The following PCSK6 variants were observed in gnomAD, a reference collection of about 807,000 sequenced individuals.
PCSK6 encodes proprotein convertase subtilisin/kexin type 6.
In PCSK6, 85 loss-of-function variants were observed where a neutral mutation model predicts 123.3. That is an observed-to-expected ratio of 0.69 (90% confidence interval 0.58 to 0.83). The LOEUF is 0.83. Ranked by LOEUF, PCSK6 falls within the 40% of genes least tolerant of loss-of-function variation. The probability of loss-of-function intolerance (pLI) is 0.00; values close to 1 mark genes in which losing one functional copy is unlikely to be tolerated. For synonymous variants in PCSK6, 508 were observed against 516.0 expected, an observed-to-expected ratio of 0.98 and a Z score of 0.21; for missense variants, 1,191 against 1,282.3, an observed-to-expected ratio of 0.93 and a Z score of 1.09.
rs755103299 is a variant in PCSK6, at chr15:101,395,726, C to T, written c.997-2302G>A. Among the ~76,000 whole-genome samples, 183 of 152,294 alleles carry T rather than the reference C, an allele frequency of 1.2e-3. 3 individuals carry two copies. The highest frequency in any genetic ancestry group is 4.1e-4 in the South Asian group (2 of 4,830). Reference sequence around the variant, plus strand: ...ACTCACAACTTCAACCCAATCAAATCGTATTTCGATGTCTTCCCTGGGGAG... The same window carrying T: ...ACTCACAACTTCAACCCAATCAAATTGTATTTCGATGTCTTCCCTGGGGAG... On this transcript the variant is annotated intron_variant, in intron 7 of 21. Coordinates refer to ENST00000611716, the MANE Select transcript of PCSK6 (RefSeq NM_002570.5).
At chr15:101,308,771 C>T (rs1204222361) in intron 20 of PCSK6, 1 of 152,294 alleles carries the variant, frequency 6.6e-6, no homozygotes, top group Non-Finnish European at 1.5e-5. Context: ...ATTCTGGTGG[C>T]CCAGCCACCA....
intron 1 of PCSK6, among the ~76,000 whole-genome samples, chr15:101,484,914 G>A (rs1455094946): frequency 6.6e-6 from 1 of 152,166 alleles, no homozygotes; most frequent in Admixed American, 6.5e-5. Context: ...AAAAACGCCT[G>A]CATGGACATT....
chr15:101,327,278 T>C (rs1167790104), intron 15 of PCSK6, among the ~76,000 whole-genome samples: 2 of 152,146 alleles, frequency 1.3e-5, no homozygotes, highest in East Asian at 1.9e-4. Context: ...GCGAGCTGAG[T>C]AGACGCCAGC....
At chr15:101,385,082 T>C (rs971135656) in intron 9 of PCSK6, among the ~76,000 whole-genome samples, 3 of 152,160 alleles carry the variant, frequency 2.0e-5, no homozygotes, top group African/African-American at 7.2e-5. Flanking sequence ...GGTGGTGTGA[T>C]CTTGGCTCAC....
At chr15:101,369,923 G>A (rs143270541) in intron 12 of PCSK6, among the ~76,000 whole-genome samples, 362 of 152,326 alleles carry the variant, frequency 2.4e-3, no homozygotes, top group African/African-American at 8.4e-3. Flanking sequence ...GGGAGAGCTG[G>A]TGGGGGGACA....
At chr15:101,429,193 G>A (rs894694306) in intron 5 of PCSK6, among the ~76,000 whole-genome samples, 4 of 152,152 alleles carry the variant, frequency 2.6e-5, no homozygotes, top group Non-Finnish European at 4.4e-5. Flanking sequence ...AATATTTTTA[G>A]AGGAATGATA....
intron 6 of PCSK6, among the ~76,000 whole-genome samples, chr15:101,415,331 C>T (rs1004741907): frequency 3.3e-5 from 5 of 152,192 alleles, no homozygotes; most frequent in African/African-American, 4.8e-5. Context: ...CACCCGGGGA[C>T]GGGTAGACTG....
At chr15:101,340,756 A>C (rs7162072) in intron 13 of PCSK6, among the ~76,000 whole-genome samples, 18,289 of 151,856 alleles carry the variant, frequency 0.12, 2,305 homozygotes, top group African/African-American at 0.31. Flanking sequence ...TACTCACATG[A>C]TCCCTCTCCC....
intron 13 of PCSK6, among the ~76,000 whole-genome samples, chr15:101,354,318 ATACT>A (rs1252178617): frequency 6.6e-6 from 1 of 152,208 alleles, no homozygotes; most frequent in African/African-American, 2.4e-5. Context: ...ACACACATAC[ATACT>A]TATACACAAT....
chr15:101,394,993 G>GGT lies in PCSK6; in HGVS notation c.997-1571_997-1570dup, dbSNP rs372895594. Among the ~76,000 whole-genome samples the GGT allele has an allele frequency of 2.6e-4, 40 of 152,302 alleles. No homozygotes were observed. The East Asian group carries it at 7.3e-3, about 28-fold the overall frequency. Reference sequence around the variant, plus strand: ...AAAGGCACAAAGAGCTCAGGAAGGTGGTGTGTGTGTGCACGTGATTACCTG... The same window carrying GGT: ...AAAGGCACAAAGAGCTCAGGAAGGTGGTGTGTGTGTGTGCACGTGATTACCTG... On this transcript the variant is annotated intron_variant, in intron 7 of 21. Transcript: ENST00000611716.
At chr15:101,367,487 A>G (rs2041435615) in intron 12 of PCSK6, among the ~76,000 whole-genome samples, 1 of 152,230 alleles carries the variant, frequency 6.6e-6, no homozygotes, top group African/African-American at 2.4e-5. Flanking sequence ...TTTGCAATGG[A>G]GAAGAGTGAG....
chr15:101,469,583 C>T (rs890744443), intron 1 of PCSK6, among the ~76,000 whole-genome samples: 6 of 152,140 alleles, frequency 3.9e-5, no homozygotes, highest in Non-Finnish European at 8.8e-5. Flanking sequence ...GTGGTGGGCA[C>T]GAGCCCCGAA....
chr15:101,454,083 G>A (rs2057109913), intron 1 of PCSK6, among the ~76,000 whole-genome samples: 1 of 152,208 alleles, frequency 6.6e-6, no homozygotes, highest in Non-Finnish European at 1.5e-5. Context: ...ATGGCTACTT[G>A]GCCAAGGGAG....
At chr15:101,436,624 C>T (rs1315678536) in intron 2 of PCSK6, among the ~76,000 whole-genome samples, 4 of 152,172 alleles carry the variant, frequency 2.6e-5, no homozygotes, top group Non-Finnish European at 5.9e-5. Flanking sequence ...ACAATCAGGG[C>T]ACCGTAGAAA....
intron 18 of PCSK6, among the ~76,000 whole-genome samples, chr15:101,319,044 G>C (rs759977762): frequency 6.6e-6 from 1 of 152,220 alleles, no homozygotes; most frequent in Non-Finnish European, 1.5e-5. Flanking sequence ...CAGATGCTGA[G>C]CTAGACCACC....
rs774899372 is a variant in PCSK6, at chr15:101,331,601, C to A, written c.2077+50G>T. On this transcript the variant is annotated intron_variant, in intron 15 of 21. Coordinates refer to ENST00000611716, the MANE Select transcript of PCSK6 (RefSeq NM_002570.5). Reference sequence around the variant, plus strand: ...TCTGGTTGGGCATATAGACCCTGCTCTCCCAGCTGGGAAGGTTGGAAAATA... The same window carrying A: ...TCTGGTTGGGCATATAGACCCTGCTATCCCAGCTGGGAAGGTTGGAAAATA... 8 of 1,570,616 alleles carry A rather than the reference C, an allele frequency of 5.1e-6. No homozygotes were observed. In the South Asian group the frequency reaches 7.9e-5, roughly 16 times the overall value.
At chr15:101,465,567 C>A (rs28529205) in intron 1 of PCSK6, among the ~76,000 whole-genome samples, 18,821 of 152,126 alleles carry the variant, frequency 0.12, 1,195 homozygotes, top group Admixed American at 0.15. Flanking sequence ...CTGTTGCCTT[C>A]TGAGACACTG....
intron 13 of PCSK6, among the ~76,000 whole-genome samples, chr15:101,354,926 T>G (rs2040997481): frequency 6.6e-6 from 1 of 152,250 alleles, no homozygotes; most frequent in Non-Finnish European, 1.5e-5. Context: ...AATTCCTTAT[T>G]ATCATCTACC....
intron 2 of PCSK6, among the ~76,000 whole-genome samples, chr15:101,433,899 G>A (rs539431829): frequency 8.9e-5 from 13 of 146,580 alleles, no homozygotes; most frequent in African/African-American, 3.0e-4. Context: ...ATCCCAGCCT[G>A]TCCCACCCCG....
Sources: gnomAD v4.1 joint callset for allele counts (sites outside exome capture counted in the v4.1 genomes callset) on GRCh38, gnomAD v4.1.1 for gene constraint, MANE v1.5 for transcripts, NCBI Gene and HGNC (gene_info 2026-07-23, HGNC 2026-07-21) for gene names.